The following FRMD3 variants were observed in gnomAD, a reference collection of about 807,000 sequenced individuals.
FRMD3 encodes FERM domain-containing protein 3.
FRMD3 carries 33 observed loss-of-function variants against 70.2 expected under a neutral mutation model. The ratio of observed to expected loss-of-function variants is 0.47; its 90% CI spans 0.36 to 0.63. The LOEUF (loss-of-function observed/expected upper bound fraction) is 0.63. Ranked by LOEUF, FRMD3 falls within the 20% of genes least tolerant of loss-of-function variation. FRMD3 has a pLI of 0.00. For missense variants in FRMD3, 632 were observed against 711.4 expected (o/e 0.89, Z 1.27); for synonymous variants, 279 against 255.9 (o/e 1.09, Z -0.86).
rs577611606 is a variant in FRMD3, at chr9:83,383,448, C to G, written c.252+6156G>C. On this transcript the variant is annotated intron_variant, in intron 2 of 13. Transcript: ENST00000304195. ...GGAAATAAAATAGTCATTTTCTAAC[C>G]TATACTGTTTTTATTTCTCCAAGTC... 2.0e-3 allele frequency among the ~76,000 whole-genome samples: 301 copies of G among 152,262 alleles called. 3 individuals are homozygous for G. The highest frequency in any genetic ancestry group is 6.9e-3 in the African/African-American group (285 of 41,542).
intron 1 of FRMD3, among the ~76,000 whole-genome samples, chr9:83,508,357 T>C (rs1237089881): frequency 1.3e-5 from 2 of 152,242 alleles, no homozygotes; most frequent in Non-Finnish European, 1.5e-5. Context: ...GAATATGCAC[T>C]TTATAAAAAC....
intron 6 of FRMD3, chr9:83,331,963 T>G: frequency 1.4e-6 from 1 of 706,156 alleles, no homozygotes. Context: ...AAATGAAGCA[T>G]GACCTTCCAG....
rs1406655411 is a variant in FRMD3, at chr9:83,389,646, C to T, written c.210G>A (p.Lys70=). 3.7e-6 allele frequency: 6 copies of T among 1,613,918 alleles called. No individual in the cohort carries two copies. The highest frequency in any genetic ancestry group is 5.1e-6 in the Non-Finnish European group (6 of 1,179,940). ...HICNYYSLLE[K]DYFGIRYVDP... ...CCACATAGCGAATGCCAAAGTAGTC[C>T]TTCTCCAGCAGGCTGTAGTAGTTGC... Residue 70 remains lysine (K), a synonymous_variant, in exon 2 of 14, where the codon AAG becomes AAA. Transcript: ENST00000304195.
chr9:83,474,710 A>G (rs890965337), intron 1 of FRMD3, among the ~76,000 whole-genome samples: 7 of 152,146 alleles, frequency 4.6e-5, no homozygotes, highest in African/African-American at 1.4e-4. Context: ...GACAACCATA[A>G]CCTGAAAGTC....
chr9:83,497,514 T>C (rs901430674), intron 1 of FRMD3, among the ~76,000 whole-genome samples: 1 of 152,208 alleles, frequency 6.6e-6, no homozygotes. Flanking sequence ...ATTTTTTGAG[T>C]GTAAGGATTG....
chr9:83,416,786 T>TCTCTCTCC (rs1220396275), intron 1 of FRMD3, among the ~76,000 whole-genome samples: 1 of 58,344 alleles, frequency 1.7e-5, no homozygotes, highest in African/African-American at 9.3e-5. Context: ...TCTCTCTCTC[T>TCTCTCTCC]CACTCTCTCT....
chr9:83,268,115 A>G (rs1833363160), intron 13 of FRMD3, among the ~76,000 whole-genome samples: 1 of 152,254 alleles, frequency 6.6e-6, no homozygotes, highest in Non-Finnish European at 1.5e-5. Flanking sequence ...CCATGCAACC[A>G]CTACATTCTG....
the FRMD3 span, among the ~76,000 whole-genome samples, chr9:83,561,548 T>C: frequency 1.3e-5 from 2 of 152,204 alleles, no homozygotes; most frequent in African/African-American, 4.8e-5. Flanking sequence ...CTGCAAATCC[T>C]AAACAATTTA....
At position 83,426,038 on chromosome 9, in the gene FRMD3, C is replaced by A. The variant is rs570412338; in HGVS notation, c.148-36330G>T. ...GTGCACATGTGCTCACAAGCGTGAG[C>A]AAACCATCCTAAGAAAATTCAGAAT... On this transcript the variant is annotated intron_variant, in intron 1 of 13. Coordinates refer to ENST00000304195, the MANE Select transcript of FRMD3 (RefSeq NM_174938.6). 4.6e-5 allele frequency among the ~76,000 whole-genome samples: 7 copies of A among 152,008 alleles called. No homozygotes were observed. The South Asian group carries it at 8.3e-4, about 18-fold the overall frequency.
chr9:83,362,546 G>A (rs149871185), intron 3 of FRMD3, among the ~76,000 whole-genome samples: 1,654 of 152,246 alleles, frequency 0.011, 43 homozygotes, highest in African/African-American at 0.038. Flanking sequence ...CCCCTTCAGG[G>A]TGCTTGGGAG....
intron 1 of FRMD3, among the ~76,000 whole-genome samples, chr9:83,492,754 T>C (rs1445907664): frequency 6.6e-6 from 1 of 152,116 alleles, no homozygotes; most frequent in Non-Finnish European, 1.5e-5. Context: ...CCACTCACAA[T>C]TTGCATGGGT....
chr9:83,389,723 C>CA lies in FRMD3; in HGVS notation c.148-16dup, dbSNP rs1275403995. On this transcript the variant is annotated splice_polypyrimidine_tract_variant and intron_variant, in intron 1 of 13. Transcript: ENST00000304195. ...TTGGTTTCCCTCTGCAAAGGAAGCA[C>CA]ATTTAAGTCTCAGCCAGAGCTCACC... The CA allele has an allele frequency of 6.3e-7, 1 of 1,583,256 alleles. No individual in the cohort carries two copies.
intron 6 of FRMD3, among the ~76,000 whole-genome samples, chr9:83,319,390 C>G (rs1252429199): frequency 1.3e-5 from 2 of 152,004 alleles, no homozygotes; most frequent in African/African-American, 4.8e-5. Context: ...TCCAGTTTCA[C>G]TCTTCTGCAT....
At position 83,538,331 on chromosome 9, in the gene FRMD3, G is replaced by T. The variant is rs926718115; in HGVS notation, c.-100C>A. Reference sequence around the variant, plus strand: ...CACGCACTGTCCGGGACACCTGGGCGCGGCTCAGCCCCGGGACATCGGCAG... The same window carrying T: ...CACGCACTGTCCGGGACACCTGGGCTCGGCTCAGCCCCGGGACATCGGCAG... On this transcript the variant is annotated 5_prime_UTR_variant, in exon 1 of 14. Coordinates refer to ENST00000304195, the MANE Select transcript of FRMD3 (RefSeq NM_174938.6). The surrounding 1 kb of genome is among the most constrained non-coding windows in gnomAD (Gnocchi z 4.7). 1.2e-4 allele frequency: 142 copies of T among 1,192,006 alleles called. No individual in the cohort carries two copies. Among genetic ancestry groups the T allele is most frequent in the Middle Eastern group, 3.0e-4 (1 of 3,322 alleles). The allele number at this position is 1,192,006 out of a possible 1,614,324, so 73.8% of individuals were successfully genotyped here.
intron 1 of FRMD3, among the ~76,000 whole-genome samples, chr9:83,535,934 T>C (rs76555812): frequency 2.9e-3 from 436 of 152,372 alleles, no homozygotes; most frequent in African/African-American, 0.01. Flanking sequence ...CGCATTGTTT[T>C]TTAATCCTTT....
intron 12 of FRMD3, among the ~76,000 whole-genome samples, chr9:83,291,302 G>T (rs1834410353): frequency 6.6e-6 from 1 of 152,228 alleles, no homozygotes. Flanking sequence ...ATGCAGGTGT[G>T]TCTGGCTGAG....
intron 1 of FRMD3, among the ~76,000 whole-genome samples, chr9:83,461,254 T>C (rs1827962356): frequency 6.6e-6 from 1 of 152,098 alleles, no homozygotes; most frequent in South Asian, 2.1e-4. Flanking sequence ...ATGCTGGCTT[T>C]GAAGATGGAG....
the FRMD3 span, among the ~76,000 whole-genome samples, chr9:83,566,330 T>A: frequency 6.6e-6 from 1 of 152,090 alleles, no homozygotes; most frequent in Non-Finnish European, 1.5e-5. Flanking sequence ...TTCTCCTGGG[T>A]CCCTCCCACA....
chr9:83,466,694 T>A (rs1402397904), intron 1 of FRMD3, among the ~76,000 whole-genome samples: 1 of 152,108 alleles, frequency 6.6e-6, no homozygotes, highest in African/African-American at 2.4e-5. Context: ...TGGAGGTGTA[T>A]CATTTCAAAA....
Sources: allele counts gnomAD v4.1 joint callset (sites outside exome capture counted in the v4.1 genomes callset), GRCh38; gene constraint gnomAD v4.1.1; non-coding constraint Gnocchi (gnomAD v3.1); transcripts MANE v1.5; gene names NCBI Gene and HGNC (gene_info 2026-07-23, HGNC 2026-07-21).